STARD10: variants seen among roughly 807,000 people sequenced by gnomAD.
STARD10 encodes StAR related lipid transfer domain containing 10, also known as START domain-containing protein 10.
Under a neutral mutation model 36.0 loss-of-function variants are expected in STARD10, and 24 were observed. The ratio of observed to expected loss-of-function variants is 0.67; its 90% CI spans 0.48 to 0.94. The LOEUF (loss-of-function observed/expected upper bound fraction) is 0.94, where lower values mean the gene tolerates loss of function less well. STARD10 is among the 40% of genes least tolerant of loss of function. The pLI is 0.00. For missense variants in STARD10, 335 were observed against 396.6 expected (o/e 0.84, Z 1.32); for synonymous variants, 156 against 161.9 (o/e 0.96, Z 0.28).
chr11:72,792,173 C>A (rs1859153975), intron 1 of STARD10, among the ~76,000 whole-genome samples: 1 of 151,732 alleles, frequency 6.6e-6, no homozygotes, highest in Non-Finnish European at 1.5e-5. Context: ...CCCCAGCCTC[C>A]CGAGTAGCTG....
At position 72,772,372 on chromosome 11, in the gene STARD10, A is replaced by G. The variant is rs139677358; in HGVS notation, c.207+8603T>C. On this transcript the variant is annotated intron_variant, in intron 2 of 6. Coordinates refer to ENST00000334805, the MANE Select transcript of STARD10 (RefSeq NM_006645.3). ...GGTTCTCCCTGTGCCTGGCGCTGCCATAGGGGGCATGGTTCTCCCTGTGCC... is the reference window on the plus strand; with the variant it reads ...GGTTCTCCCTGTGCCTGGCGCTGCCGTAGGGGGCATGGTTCTCCCTGTGCC... Among the ~76,000 whole-genome samples, 16 of 152,154 alleles carry G rather than the reference A, an allele frequency of 1.1e-4. No individual in the cohort carries two copies. In the South Asian group the frequency reaches 1.5e-3, roughly 14 times the overall value.
At chr11:72,792,659 CA>C (rs2135044940) in intron 1 of STARD10, among the ~76,000 whole-genome samples, 1 of 152,228 alleles carries the variant, frequency 6.6e-6, no homozygotes, top group East Asian at 1.9e-4. Context: ...GACCTCAGCT[CA>C]ATGCGCATCA....
chr11:72,755,306 CTTTTT>C (rs542293512), intron 6 of STARD10, 164 bp from the exon 7 acceptor site: 9,397 of 355,544 alleles, frequency 0.026, 736 homozygotes, highest in African/African-American at 0.24. Flanking sequence ...ATTCTCCATT[CTTTTT>C]TTTTTTTTTT....
intron 2 of STARD10, among the ~76,000 whole-genome samples, chr11:72,779,812 G>A (rs566653970): frequency 5.9e-5 from 9 of 152,302 alleles, no homozygotes; most frequent in Admixed American, 2.6e-4. Context: ...GGCAGAAAGT[G>A]AAAAGCAGAT....
chr11:72,773,739 A>T (rs1313279658), intron 2 of STARD10, among the ~76,000 whole-genome samples: 1 of 152,186 alleles, frequency 6.6e-6, no homozygotes, highest in Non-Finnish European at 1.5e-5. Flanking sequence ...GAAGGCCCCA[A>T]CAGAATCCTC....
chr11:72,759,565 T>C (rs1267781520), intron 2 of STARD10, among the ~76,000 whole-genome samples, 184 bp from the exon 3 acceptor site: 1 of 152,172 alleles, frequency 6.6e-6, no homozygotes, highest in African/African-American at 2.4e-5. Context: ...AAGCCACCTG[T>C]GCCAGGAGAC....
chr11:72,760,017 T>C (rs1334338944), intron 2 of STARD10, among the ~76,000 whole-genome samples: 2 of 151,746 alleles, frequency 1.3e-5, no homozygotes, highest in African/African-American at 4.8e-5. Flanking sequence ...TTCAAGTGAT[T>C]CTCCTACCTC....
intron 2 of STARD10, among the ~76,000 whole-genome samples, chr11:72,770,197 A>G (rs1228371240): frequency 6.6e-6 from 1 of 152,190 alleles, no homozygotes; most frequent in Non-Finnish European, 1.5e-5. Context: ...TCATTTATAC[A>G]AGAGATAAAA....
chr11:72,777,124 AG>A (rs2135622412), intron 2 of STARD10, among the ~76,000 whole-genome samples: 1 of 152,346 alleles, frequency 6.6e-6, no homozygotes, highest in East Asian at 1.9e-4. Context: ...TGCAGTGGGT[AG>A]GAGGTCACCT....
At chr11:72,771,562 A>T (rs1180577875) in intron 2 of STARD10, among the ~76,000 whole-genome samples, 1 of 152,056 alleles carries the variant, frequency 6.6e-6, no homozygotes, top group South Asian at 2.1e-4. Context: ...ACCATGTCTC[A>T]CCCAGACAGA....
At chr11:72,757,396 C>T (rs1032119532) in intron 5 of STARD10, among the ~76,000 whole-genome samples, 3 of 152,192 alleles carry the variant, frequency 2.0e-5, no homozygotes, top group Non-Finnish European at 2.9e-5. Flanking sequence ...GAGACATGGC[C>T]ACTTGTGACA....
rs761692402 is a variant in STARD10, at chr11:72,754,823, G to T, written c.*74C>A. On this transcript the variant is annotated 3_prime_UTR_variant, in exon 7 of 7. Coordinates refer to ENST00000334805, the MANE Select transcript of STARD10 (RefSeq NM_006645.3). ...TGCCACCAGGTGCCGGGTGGGGGAGGGGAGAAAGTGCAGGAGCGGCCGCCG... is the reference window on the plus strand; with the variant it reads ...TGCCACCAGGTGCCGGGTGGGGGAGTGGAGAAAGTGCAGGAGCGGCCGCCG... 6.5e-7 allele frequency: 1 copy of T among 1,542,626 alleles called. No homozygotes were observed. The highest frequency in any genetic ancestry group is 1.2e-5 in the South Asian group (1 of 83,830).
At chr11:72,759,726 G>A (rs1175460160) in intron 2 of STARD10, among the ~76,000 whole-genome samples, 1 of 152,164 alleles carries the variant, frequency 6.6e-6, no homozygotes, top group African/African-American at 2.4e-5. Context: ...GTGGGCAGAG[G>A]CTCATGGTTG....
chr11:72,757,141 G>A (rs530730417), intron 5 of STARD10, among the ~76,000 whole-genome samples: 1 of 92,036 alleles, frequency 1.1e-5, no homozygotes, highest in Admixed American at 1.2e-4. Context: ...GTGAAACTCT[G>A]TCTCAAAAAA....
chr11:72,759,971 C>T (rs772885212), intron 2 of STARD10, among the ~76,000 whole-genome samples: 19 of 151,906 alleles, frequency 1.3e-4, no homozygotes, highest in South Asian at 1.2e-3. Flanking sequence ...AGTGCAGTGG[C>T]GCGATCTTGG....
intron 2 of STARD10, among the ~76,000 whole-genome samples, chr11:72,762,732 A>G (rs928977024): frequency 6.6e-6 from 1 of 152,148 alleles, no homozygotes; most frequent in Admixed American, 6.6e-5. Context: ...ATCAGGCTTC[A>G]TGGAGAATCT....
chr11:72,789,974 C>T (rs1348961059), intron 1 of STARD10, among the ~76,000 whole-genome samples: 2 of 152,210 alleles, frequency 1.3e-5, no homozygotes, highest in African/African-American at 4.8e-5. Flanking sequence ...TGCTCCCCTC[C>T]TCCAGGAATG....
At chr11:72,766,553 C>T (rs1048718254) in intron 2 of STARD10, among the ~76,000 whole-genome samples, 2 of 152,172 alleles carry the variant, frequency 1.3e-5, no homozygotes, top group African/African-American at 4.8e-5. Flanking sequence ...GGCCTGGAGG[C>T]TTAAACAAAC....
intron 2 of STARD10, among the ~76,000 whole-genome samples, chr11:72,765,816 C>CAAAAAAAAAAAAAAAAAAAAAAAAAAA (rs752801080): frequency 1.7e-5 from 2 of 118,194 alleles, no homozygotes; most frequent in Admixed American, 8.2e-5. Context: ...ACTAAAAATA[C>CAAAAAAAAAAAAAAAAAAAAAAAAAAA]AAAAAAAAAA....
Sources: gnomAD v4.1 joint callset for allele counts (sites outside exome capture counted in the v4.1 genomes callset) on GRCh38, gnomAD v4.1.1 for gene constraint, MANE v1.5 for transcripts, NCBI Gene and HGNC (gene_info 2026-07-23, HGNC 2026-07-21) for gene names.